The following CEP112 variants were observed in gnomAD, a reference collection of about 807,000 sequenced individuals.
The protein encoded by CEP112 is centrosomal protein of 112 kDa.
Under a neutral mutation model 153.0 loss-of-function variants are expected in CEP112, and 127 were observed. That is an observed-to-expected ratio of 0.83 (90% CI 0.72 to 0.96). The LOEUF is 0.96. Ranked by LOEUF, CEP112 falls within the 40% of genes least tolerant of loss-of-function variation. The pLI is 0.00. For missense variants in CEP112, 1,089 were observed against 1,101.2 expected (o/e 0.99, Z 0.16); for synonymous variants, 358 against 374.4 (o/e 0.96, Z 0.51).
chr17:65,994,504 T>A (rs1294726055), intron 17 of CEP112, among the ~76,000 whole-genome samples: 1 of 152,130 alleles, frequency 6.6e-6, no homozygotes, highest in Non-Finnish European at 1.5e-5. Context: ...AATATTGTTG[T>A]TGTTTTTAGA....
At chr17:65,787,387 G>A (rs896768179) in intron 21 of CEP112, among the ~76,000 whole-genome samples, 47 of 152,190 alleles carry the variant, frequency 3.1e-4, no homozygotes, top group Admixed American at 3.1e-3. Context: ...GGAGGCTAAG[G>A]TGGGAAGATC....
At chr17:66,016,620 T>C (rs1446040950) in intron 16 of CEP112, among the ~76,000 whole-genome samples, 1 of 152,254 alleles carries the variant, frequency 6.6e-6, no homozygotes, top group East Asian at 1.9e-4. Context: ...TCTAAAATGA[T>C]ATGTTACATG....
At chr17:65,863,356 T>C (rs145132971) in intron 20 of CEP112, among the ~76,000 whole-genome samples, 287 of 152,294 alleles carry the variant, frequency 1.9e-3, no homozygotes, top group African/African-American at 6.5e-3. Flanking sequence ...TAATGACAGA[T>C]GGTTAATTTG....
intron 17 of CEP112, among the ~76,000 whole-genome samples, chr17:66,002,577 A>G (rs2064107154): frequency 1.3e-5 from 2 of 152,150 alleles, no homozygotes; most frequent in South Asian, 4.1e-4. Context: ...AGGATAATTT[A>G]TTCTCCACTT....
At chr17:65,886,185 C>T (rs992727034) in intron 20 of CEP112, among the ~76,000 whole-genome samples, 1 of 152,072 alleles carries the variant, frequency 6.6e-6, no homozygotes, top group African/African-American at 2.4e-5. Flanking sequence ...AACCATGTTC[C>T]TAACTTGAAA....
chr17:66,025,026 A>T (rs951602145), intron 16 of CEP112, among the ~76,000 whole-genome samples: 1 of 152,174 alleles, frequency 6.6e-6, no homozygotes, highest in Non-Finnish European at 1.5e-5. Context: ...CAACAAAAAC[A>T]TATACTGGGG....
chr17:65,724,378 C>T (rs1025577421), intron 23 of CEP112, among the ~76,000 whole-genome samples: 6 of 151,930 alleles, frequency 3.9e-5, no homozygotes, highest in East Asian at 1.9e-4. Flanking sequence ...ATTTACCATG[C>T]GATATTATAG....
chr17:66,141,589 C>A (rs1283252362), intron 4 of CEP112, among the ~76,000 whole-genome samples: 2 of 152,098 alleles, frequency 1.3e-5, no homozygotes, highest in Non-Finnish European at 2.9e-5. Context: ...AAGCCCCTGG[C>A]AGCTACCATT....
At chr17:66,128,990 CA>C (rs1275177778) in intron 6 of CEP112, among the ~76,000 whole-genome samples, 1 of 151,896 alleles carries the variant, frequency 6.6e-6, no homozygotes, top group Non-Finnish European at 1.5e-5. Context: ...TTTCAAATTA[CA>C]AATTATTTTT....
At chr17:65,704,550 T>C (rs1422937453) in intron 23 of CEP112, among the ~76,000 whole-genome samples, 1 of 151,834 alleles carries the variant, frequency 6.6e-6, no homozygotes, top group Non-Finnish European at 1.5e-5. Flanking sequence ...GAAAATGGCA[T>C]TAGGGTATTA....
At chr17:65,944,748 T>C (rs4790922) in intron 18 of CEP112, among the ~76,000 whole-genome samples, 72,544 of 151,580 alleles carry the variant, frequency 0.48, 18,345 homozygotes, top group East Asian at 0.89. Context: ...TGCCATTTTG[T>C]CCAGATAATT....
rs371400650 is a variant in CEP112, at chr17:65,738,574, T to A, written c.2607+4494A>T. On this transcript the variant is annotated intron_variant, in intron 23 of 26. Transcript: ENST00000535342. ...TCAGAAATAATGTTTACCTTAATTC[T>A]ATGGTGGTTATTTCTGGGTGATAGG... Among the ~76,000 whole-genome samples the A allele has an allele frequency of 4.6e-5, 7 of 152,230 alleles. No individual in the cohort carries two copies. The East Asian group carries it at 7.7e-4, about 17-fold the overall frequency.
chr17:65,752,276 A>G (rs1284530977), intron 21 of CEP112, among the ~76,000 whole-genome samples: 1 of 152,100 alleles, frequency 6.6e-6, no homozygotes, highest in Admixed American at 6.6e-5. Flanking sequence ...CCAAAGCTGG[A>G]TAGAAGAATC....
intron 21 of CEP112, among the ~76,000 whole-genome samples, chr17:65,751,859 A>C (rs2051873729): frequency 6.6e-6 from 1 of 152,166 alleles, no homozygotes; most frequent in South Asian, 2.1e-4. Context: ...ACAGCTAGGA[A>C]GTGATGAAGC....
At chr17:65,669,679 G>A (rs1241940929) in intron 24 of CEP112, among the ~76,000 whole-genome samples, 1 of 152,158 alleles carries the variant, frequency 6.6e-6, no homozygotes, top group Non-Finnish European at 1.5e-5. Context: ...CAAGGCGGGT[G>A]GATCACGAGG....
At chr17:65,940,072 A>G (rs1000227243) in intron 18 of CEP112, among the ~76,000 whole-genome samples, 1 of 152,220 alleles carries the variant, frequency 6.6e-6, no homozygotes, top group Non-Finnish European at 1.5e-5. Context: ...AAAAACAGGC[A>G]AAGGACCTAA....
intron 4 of CEP112, among the ~76,000 whole-genome samples, chr17:66,162,194 A>G (rs2071741412): frequency 6.6e-6 from 1 of 152,380 alleles, no homozygotes; most frequent in Admixed American, 6.5e-5. Context: ...GAAACTTCAC[A>G]TAAGAGGATA....
chr17:65,971,549 A>G (rs1046743859), intron 17 of CEP112, among the ~76,000 whole-genome samples: 16 of 152,044 alleles, frequency 1.1e-4, no homozygotes, highest in African/African-American at 4.8e-5. Flanking sequence ...TGTTGCATGT[A>G]TGTTACATGT....
At chr17:65,695,529 G>A (rs1029380373) in intron 23 of CEP112, among the ~76,000 whole-genome samples, 10 of 152,106 alleles carry the variant, frequency 6.6e-5, no homozygotes, top group Admixed American at 2.0e-4. Context: ...GTAGTTCTGC[G>A]TCAATTAAAC....
Sources: gnomAD v4.1 joint callset for allele counts (sites outside exome capture counted in the v4.1 genomes callset) on GRCh38, gnomAD v4.1.1 for gene constraint, MANE v1.5 for transcripts, NCBI Gene and HGNC (gene_info 2026-07-23, HGNC 2026-07-21) for gene names.